VAV1: variants seen among roughly 807,000 people sequenced by gnomAD.
VAV1 encodes the protein vav guanine nucleotide exchange factor 1, also known as proto-oncogene vav.
VAV1 carries 33 observed loss-of-function variants against 128.1 expected under a neutral mutation model. The ratio of observed to expected loss-of-function variants is 0.26; its 90% CI spans 0.20 to 0.34. The LOEUF is 0.34. Ranked by LOEUF, VAV1 falls within the 10% of genes least tolerant of loss-of-function variation. The probability of loss-of-function intolerance (pLI) is 1.00; values close to 1 mark genes in which losing one functional copy is unlikely to be tolerated. For synonymous variants in VAV1, 394 were observed against 409.8 expected (o/e 0.96, Z 0.47); for missense variants, 715 against 1,093.7 (o/e 0.65, Z 4.88).
chr19:6,822,188 G>A lies in VAV1; in HGVS notation c.450-33G>A, dbSNP rs347034. 39,299 of 1,549,696 alleles carry A rather than the reference G, an allele frequency of 0.025. 2,959 individuals are homozygous for A. The highest frequency in any genetic ancestry group is 0.22 in the African/African-American group (16,518 of 73,662). ...GGGGACCCTGCTGTGATCTGGGAGA[G>A]GTCCAAGGGATCCCTGACCTCACAA... On this transcript the variant is annotated intron_variant, in intron 4 of 26. Coordinates refer to ENST00000602142, the MANE Select transcript of VAV1 (RefSeq NM_005428.4). The surrounding 1 kb of genome is among the most constrained non-coding windows in gnomAD (Gnocchi z 5.9).
In VAV1 at chr19:6,848,101, G is replaced by GC; in HGVS notation, c.2118dup (p.Ile707HisfsTer4). The GC allele has an allele frequency of 6.4e-7, 1 of 1,552,812 alleles. No homozygotes were observed. Among genetic ancestry groups the GC allele is most frequent in the Non-Finnish European group, 8.6e-7 (1 of 1,156,328 alleles). On this transcript the variant is annotated frameshift_variant, in exon 23 of 27. Coordinates refer to ENST00000602142, the MANE Select transcript of VAV1 (RefSeq NM_005428.4). LOFTEE classifies it high-confidence loss of function. The stretch of plus-strand genomic sequence containing the variant: ...GAGGGTGAAGGATGCAGCAGAATTT[G>GC]CCATCAGCATTAAGTAACTCCTTTC...
intron 8 of VAV1, 149 bp downstream of exon 8, chr19:6,825,555 A>C (rs2144777484): frequency 1.5e-6 from 1 of 651,916 alleles, no homozygotes. Flanking sequence ...CTCTGGTTCA[A>C]TTCCCAGCTC....
intron 22 of VAV1, 104 bp from the exon 23 acceptor site, chr19:6,847,894 T>G (rs1972563525): frequency 1.8e-6 from 2 of 1,085,514 alleles, no homozygotes; most frequent in Non-Finnish European, 2.5e-6. Flanking sequence ...TGTCACCAAC[T>G]TAAAAAATCA....
At chr19:6,792,574 T>TTTTG (rs1024986778) in intron 1 of VAV1, among the ~76,000 whole-genome samples, 1 of 151,698 alleles carries the variant, frequency 6.6e-6, no homozygotes, top group African/African-American at 2.4e-5. Flanking sequence ...TTCTGTTTTG[T>TTTTG]TTTGTTTTGT....
At chr19:6,849,856 T>C (rs1257929088) in intron 23 of VAV1, among the ~76,000 whole-genome samples, 1 of 152,190 alleles carries the variant, frequency 6.6e-6, no homozygotes, top group African/African-American at 2.4e-5. Context: ...CCTGGGTCGA[T>C]CCATGTCTTT....
At position 6,779,830 on chromosome 19, in the gene VAV1, G is replaced by T. The variant is rs111758058; in HGVS notation, c.204+6819G>T. Among the ~76,000 whole-genome samples, 1,406 of 149,908 alleles carry T rather than the reference G, an allele frequency of 9.4e-3. 37 individuals are homozygous for T. Among genetic ancestry groups the T allele is most frequent in the African/African-American group, 0.033 (1,351 of 41,274 alleles). ...TTATAGCTTCTAAAAAATAATAAAA[G>T]GCCGGGCACGGTGACTCACACCTGT... is the stretch of plus-strand genomic sequence containing the variant. On this transcript the variant is annotated intron_variant, in intron 1 of 26. Transcript: ENST00000602142.
chr19:6,850,575 C>T (rs1856347673), intron 23 of VAV1, 95 bp from the exon 24 acceptor site: 2 of 1,205,216 alleles, frequency 1.7e-6, no homozygotes, highest in Non-Finnish European at 1.2e-6. Context: ...GTTACTCCTC[C>T]CTGAAGGGGT....
At chr19:6,825,482 C>A in intron 8 of VAV1, 76 bp downstream of exon 8, 1 of 1,264,596 alleles carries the variant, frequency 7.9e-7, no homozygotes. Flanking sequence ...GAGACCTTAC[C>A]CTCAGACACC....
chr19:6,823,520 TA>T (rs546133498), intron 6 of VAV1, among the ~76,000 whole-genome samples: 87 of 151,782 alleles, frequency 5.7e-4, no homozygotes, highest in African/African-American at 2.0e-3. Flanking sequence ...ATATTTTATA[TA>T]TATTTTTTGT....
chr19:6,819,987 T>C (rs1193168174), intron 1 of VAV1, among the ~76,000 whole-genome samples: 1 of 152,186 alleles, frequency 6.6e-6, no homozygotes, highest in Non-Finnish European at 1.5e-5. Context: ...TAAAGTAACT[T>C]AAACAAGAAA....
rs749538243 is a variant in VAV1 at position 6,820,185 on chromosome 19, G to A, written c.205-517G>A. 7.2e-5 allele frequency among the ~76,000 whole-genome samples: 11 copies of A among 152,130 alleles called. No individual in the cohort carries two copies. The highest frequency in any genetic ancestry group is 1.9e-4 in the East Asian group (1 of 5,182). The stretch of plus-strand genomic sequence containing the variant: ...AATACAGAAATTAGCTGGGTGTTGC[G>A]ACACATGACTGAAGTCCTAGCTACC... On this transcript the variant is annotated intron_variant, in intron 1 of 26. Transcript: ENST00000602142. The surrounding 1 kb of genome is among the most constrained non-coding windows in gnomAD (Gnocchi z 4.4).
intron 1 of VAV1, among the ~76,000 whole-genome samples, chr19:6,787,466 C>T (rs694271): frequency 0.22 from 33,799 of 152,056 alleles, 4,367 homozygotes; most frequent in African/African-American, 0.36. Flanking sequence ...CGTGAGTCAC[C>T]GCACCCAGCC....
In VAV1 at chr19:6,822,022, G is replaced by A. The variant is rs548877672; in HGVS notation, c.449+163G>A. 6.6e-6 allele frequency among the ~76,000 whole-genome samples: 1 copy of A among 151,518 alleles called. No individual in the cohort carries two copies. Among genetic ancestry groups the A allele is most frequent in the Non-Finnish European group, 1.5e-5 (1 of 67,600 alleles). ...CTGGGGAGACACAGCCCTGCCCTGG[G>A]GTCTTGGGGGACATGGCACTGTCCT... is the stretch of plus-strand genomic sequence containing the variant. On this transcript the variant is annotated intron_variant, in intron 4 of 26. Coordinates refer to ENST00000602142, the MANE Select transcript of VAV1 (RefSeq NM_005428.4). This position sits in a 1 kb window ranked among gnomAD's most constrained non-coding sequence, Gnocchi z 5.9.
intron 1 of VAV1, among the ~76,000 whole-genome samples, chr19:6,806,776 T>A (rs1971406132): frequency 6.6e-6 from 1 of 152,242 alleles, no homozygotes; most frequent in African/African-American, 2.4e-5. Context: ...GGAGCCCCTC[T>A]CAGCCCATGT....
chr19:6,831,171 A>C (rs1972044567), intron 14 of VAV1, among the ~76,000 whole-genome samples: 2 of 152,078 alleles, frequency 1.3e-5, no homozygotes, highest in Non-Finnish European at 2.9e-5. Flanking sequence ...TTGTTCAGGG[A>C]CATTCTCTGT....
At chr19:6,811,317 T>A (rs867643534) in intron 1 of VAV1, among the ~76,000 whole-genome samples, 3 of 152,226 alleles carry the variant, frequency 2.0e-5, no homozygotes, top group Admixed American at 6.5e-5. Context: ...ATTATAAGCA[T>A]CAGCCTCCAC....
intron 21 of VAV1, among the ~76,000 whole-genome samples, chr19:6,840,185 C>A (rs1176934817): frequency 6.6e-6 from 1 of 152,178 alleles, no homozygotes; most frequent in Non-Finnish European, 1.5e-5. Context: ...ATTTTTCTGT[C>A]CTAAGTACCT....
chr19:6,813,465 C>T (rs117838354), intron 1 of VAV1, among the ~76,000 whole-genome samples: 2,790 of 152,306 alleles, frequency 0.018, 33 homozygotes, highest in East Asian at 0.03. Context: ...TACAAAAAGG[C>T]ATCTTAACTT....
At chr19:6,803,334 G>A (rs1191867939) in intron 1 of VAV1, among the ~76,000 whole-genome samples, 1 of 152,184 alleles carries the variant, frequency 6.6e-6, no homozygotes, top group African/African-American at 2.4e-5. Context: ...GGTAACTTCT[G>A]GGTTGTCGGG....
Sources: gnomAD v4.1 joint callset for allele counts (sites outside exome capture counted in the v4.1 genomes callset) on GRCh38, gnomAD v4.1.1 for gene constraint, Gnocchi (gnomAD v3.1) non-coding constraint, MANE v1.5 for transcripts, NCBI Gene and HGNC (gene_info 2026-07-23, HGNC 2026-07-21) for gene names.